The following CADM2 variants were observed in gnomAD, a reference collection of about 807,000 sequenced individuals.
CADM2 encodes the protein cell adhesion molecule 2.
Under a neutral mutation model 49.8 loss-of-function variants are expected in CADM2, and 12 were observed. The observed-to-expected ratio is 0.24, with a 90% CI of 0.15 to 0.39. The LOEUF (loss-of-function observed/expected upper bound fraction) is 0.39. Ranked by LOEUF, CADM2 falls within the 10% of genes least tolerant of loss-of-function variation. The pLI, the probability that CADM2 is intolerant of heterozygous loss-of-function variation, is 1.00. For synonymous variants in CADM2, 214 were observed against 175.4 expected, an observed-to-expected ratio of 1.22 and a Z score of -1.74; for missense variants, 378 against 492.3, an observed-to-expected ratio of 0.77 and a Z score of 2.20.
chr3:85,286,275 C>T (rs1181321366), intron 1 of CADM2, among the ~76,000 whole-genome samples: 1 of 152,086 alleles, frequency 6.6e-6, no homozygotes, highest in South Asian at 2.1e-4. Flanking sequence ...AACTTTAGTT[C>T]CTATTTTATT....
intron 1 of CADM2, among the ~76,000 whole-genome samples, chr3:85,635,675 C>T (rs76625082): frequency 1.8e-3 from 269 of 151,744 alleles, no homozygotes; most frequent in Non-Finnish European, 3.4e-3. Context: ...TATTTTAGGA[C>T]ATAAAAAAAT....
chr3:85,873,879 C>T (rs1216367822), intron 3 of CADM2, among the ~76,000 whole-genome samples: 2 of 151,976 alleles, frequency 1.3e-5, no homozygotes, highest in Non-Finnish European at 2.9e-5. Context: ...ACACTCACCT[C>T]CTTCATCCCC....
chr3:85,435,519 TG>T (rs1410132327), intron 1 of CADM2, among the ~76,000 whole-genome samples: 2 of 152,228 alleles, frequency 1.3e-5, no homozygotes, highest in Non-Finnish European at 2.9e-5. Context: ...TATAATCCTT[TG>T]GGTATATACC....
intron 3 of CADM2, among the ~76,000 whole-genome samples, chr3:85,803,484 G>GATACATAGATAGATAA (rs1309794854): frequency 8.0e-4 from 106 of 131,958 alleles, no homozygotes; most frequent in African/African-American, 3.1e-3. Context: ...GAAACAGACA[G>GATACATAGATAGATAA]ATAGATAGAT....
At chr3:85,037,894 T>C (rs2035285262) in intron 1 of CADM2, among the ~76,000 whole-genome samples, 1 of 152,154 alleles carries the variant, frequency 6.6e-6, no homozygotes, top group Non-Finnish European at 1.5e-5. Context: ...TTTAACTTTT[T>C]CTTTCTCCAT....
At chr3:85,504,356 A>C (rs888415095) in intron 1 of CADM2, among the ~76,000 whole-genome samples, 2 of 152,138 alleles carry the variant, frequency 1.3e-5, no homozygotes, top group African/African-American at 4.8e-5. Flanking sequence ...TGTGGACCCA[A>C]AGAGTGAGCA....
At chr3:85,546,967 T>G (rs866431967) in intron 1 of CADM2, among the ~76,000 whole-genome samples, 1 of 152,126 alleles carries the variant, frequency 6.6e-6, no homozygotes, top group Non-Finnish European at 1.5e-5. Context: ...TTTGTTTTTA[T>G]TTTGTAAGCT....
Position 85,658,582 on chromosome 3 carries a change from A to G in CADM2, c.62-67940A>G, listed in dbSNP as rs1451822062. Among the ~76,000 whole-genome samples the G allele has an allele frequency of 4.0e-3, 312 of 78,624 alleles. 2 individuals are homozygous for G. Among genetic ancestry groups the G allele is most frequent in the African/African-American group, 4.5e-3 (77 of 16,994 alleles). 51.6% of individuals were successfully genotyped at this position (78,624 alleles called of 152,430 possible). A position where few individuals can be genotyped will look rare whatever the true frequency, so the allele number is the denominator to read the frequency against. On this transcript the variant is annotated intron_variant, in intron 1 of 9. Coordinates refer to ENST00000383699, the MANE Select transcript of CADM2 (RefSeq NM_001167675.2). ...AAATATATTGGATATATGTGTATAT[A>G]TATATATATATATATATATATATAT...
chr3:85,757,712 T>C (rs1577240335), intron 2 of CADM2, among the ~76,000 whole-genome samples: 1 of 152,238 alleles, frequency 6.6e-6, no homozygotes, highest in East Asian at 1.9e-4. Flanking sequence ...TCAAGTTTTT[T>C]ATGACTTAGT....
chr3:85,062,212 A>G lies in CADM2; in HGVS notation c.61+102544A>G, dbSNP rs556972543. Among the ~76,000 whole-genome samples, 320 of 152,256 alleles carry G rather than the reference A, an allele frequency of 2.1e-3. 4 individuals carry two copies. Among genetic ancestry groups the G allele is most frequent in the Admixed American group, 0.017 (263 of 15,270 alleles). On this transcript the variant is annotated intron_variant, in intron 1 of 9. Coordinates refer to ENST00000383699, the MANE Select transcript of CADM2 (RefSeq NM_001167675.2). ...AATAAATTTCTAATTTTTTCAAAGTAAAATAAATCTTGGGCAATCAACACT... is the reference window on the plus strand; with the variant it reads ...AATAAATTTCTAATTTTTTCAAAGTGAAATAAATCTTGGGCAATCAACACT...
At chr3:85,310,388 G>A (rs1166123395) in intron 1 of CADM2, among the ~76,000 whole-genome samples, 1 of 152,060 alleles carries the variant, frequency 6.6e-6, no homozygotes, top group African/African-American at 2.4e-5. Context: ...ACTGTTGTTC[G>A]GTTTGAACAG....
intron 1 of CADM2, among the ~76,000 whole-genome samples, chr3:85,110,287 T>C (rs1292746655): frequency 6.6e-6 from 1 of 151,616 alleles, no homozygotes; most frequent in African/African-American, 2.4e-5. Flanking sequence ...AGAGAGAAAC[T>C]GTGGGGGGCA....
intron 1 of CADM2, among the ~76,000 whole-genome samples, chr3:85,294,438 A>G (rs572623517): frequency 2.4e-4 from 36 of 151,974 alleles, no homozygotes; most frequent in South Asian, 1.7e-3. Flanking sequence ...GGAAAAAACT[A>G]CTTTAAAGTT....
At chr3:85,161,024 C>T (rs897863935) in intron 1 of CADM2, among the ~76,000 whole-genome samples, 2 of 152,074 alleles carry the variant, frequency 1.3e-5, no homozygotes, top group African/African-American at 4.8e-5. Context: ...GGTAAAGCTA[C>T]TTTTTGTTTT....
intron 1 of CADM2, among the ~76,000 whole-genome samples, chr3:85,120,792 G>A (rs529293044): frequency 1.3e-3 from 197 of 151,944 alleles, no homozygotes; most frequent in African/African-American, 4.4e-3. Context: ...AAACCTGCAC[G>A]TTCTTACCCC....
At chr3:85,002,399 T>C (rs1168680262) in intron 1 of CADM2, among the ~76,000 whole-genome samples, 1 of 152,106 alleles carries the variant, frequency 6.6e-6, no homozygotes, top group Admixed American at 6.6e-5. Context: ...CATCCTTAGT[T>C]TTGTTAAAGT....
intron 1 of CADM2, among the ~76,000 whole-genome samples, chr3:85,245,298 G>T (rs1201303583): frequency 6.6e-6 from 1 of 152,050 alleles, no homozygotes; most frequent in Non-Finnish European, 1.5e-5. Context: ...GGATCACGAG[G>T]TCAGGAGATC....
At chr3:86,010,651 A>G (rs1433545181) in intron 8 of CADM2, among the ~76,000 whole-genome samples, 1 of 151,306 alleles carries the variant, frequency 6.6e-6, no homozygotes, top group Non-Finnish European at 1.5e-5. Context: ...TGAAAGAAAG[A>G]AACAAATATT....
At chr3:85,505,535 A>G (rs1279880222) in intron 1 of CADM2, among the ~76,000 whole-genome samples, 2 of 152,184 alleles carry the variant, frequency 1.3e-5, no homozygotes, top group African/African-American at 4.8e-5. Context: ...GATTATACCA[A>G]TTAAATCCCA....
Sources: allele counts gnomAD v4.1 joint callset (sites outside exome capture counted in the v4.1 genomes callset), GRCh38; gene constraint gnomAD v4.1.1; transcripts MANE v1.5; gene names NCBI Gene and HGNC (gene_info 2026-07-23, HGNC 2026-07-21).